RANBP2: variants seen among roughly 807,000 people sequenced by gnomAD.
The protein encoded by RANBP2 is RAN binding protein 2.
Under a neutral mutation model 303.6 loss-of-function variants are expected in RANBP2, and 57 were observed. The observed-to-expected ratio is 0.19, with a 90% CI of 0.15 to 0.23. The LOEUF (loss-of-function observed/expected upper bound fraction) is 0.23. RANBP2 is among the 10% of genes least tolerant of loss of function. The pLI, the probability that RANBP2 is intolerant of heterozygous loss-of-function variation, is 1.00. For synonymous variants in RANBP2, 1,167 were observed against 1,301.5 expected (o/e 0.90, Z 2.23); for missense variants, 3,138 against 3,780.8 (o/e 0.83, Z 4.46).
chr2:109,629,549 A>C, the RANBP2 span, among the ~76,000 whole-genome samples: 38 of 151,956 alleles, frequency 2.5e-4, no homozygotes, highest in African/African-American at 8.2e-4. Context: ...ACAATGGCTC[A>C]CACCTGTAAT....
the RANBP2 span, among the ~76,000 whole-genome samples, chr2:109,417,526 A>G: frequency 1.3e-5 from 2 of 152,174 alleles, no homozygotes; most frequent in Non-Finnish European, 2.9e-5. Context: ...AGGCAGGCAC[A>G]GGACCCTCCA....
At chr2:108,935,211 A>C in the RANBP2 span, among the ~76,000 whole-genome samples, 2 of 151,880 alleles carry the variant, frequency 1.3e-5, no homozygotes, top group African/African-American at 4.8e-5. Flanking sequence ...TCCTTCCTCA[A>C]TTCCCATCTA....
chr2:109,346,458 A>C, the RANBP2 span, among the ~76,000 whole-genome samples: 1 of 152,184 alleles, frequency 6.6e-6, no homozygotes, highest in African/African-American at 2.4e-5. Flanking sequence ...TGGTGAGAAA[A>C]TGCGGCTTCT....
chr2:109,351,999 A>G, the RANBP2 span, among the ~76,000 whole-genome samples: 9 of 152,252 alleles, frequency 5.9e-5, no homozygotes, highest in African/African-American at 1.9e-4. Context: ...ATAAAAATCA[A>G]ATATAGAGTT....
chr2:109,747,512 G>T, the RANBP2 span, among the ~76,000 whole-genome samples: 1 of 147,844 alleles, frequency 6.8e-6, no homozygotes, highest in African/African-American at 2.5e-5. Flanking sequence ...CCAGCACTTT[G>T]CGGGGCCGAG....
At chr2:109,584,457 A>G in the RANBP2 span, among the ~76,000 whole-genome samples, 8 of 138,420 alleles carry the variant, frequency 5.8e-5, no homozygotes, top group African/African-American at 2.3e-4. Flanking sequence ...ACTGGGTGAC[A>G]GAGCGAGACT....
chr2:108,851,994 C>T, the RANBP2 span, among the ~76,000 whole-genome samples: 2,313 of 152,208 alleles, frequency 0.015, 29 homozygotes, highest in Middle Eastern at 0.041. Flanking sequence ...TTGCTGAAGC[C>T]TACCTTCTTA....
chr2:109,460,201 C>T, the RANBP2 span, among the ~76,000 whole-genome samples: 1 of 152,202 alleles, frequency 6.6e-6, no homozygotes, highest in Non-Finnish European at 1.5e-5. Flanking sequence ...ATTCTGAAGT[C>T]CATGGATATT....
the RANBP2 span, among the ~76,000 whole-genome samples, chr2:108,868,564 C>T: frequency 2.0e-5 from 3 of 152,286 alleles, no homozygotes; most frequent in East Asian, 3.9e-4. Context: ...AAACTTTCTC[C>T]TCCAGCCTTT....
At chr2:108,847,964 C>T in the RANBP2 span, among the ~76,000 whole-genome samples, 1 of 151,988 alleles carries the variant, frequency 6.6e-6, no homozygotes, top group African/African-American at 2.4e-5. Context: ...AAATAAAGTT[C>T]GCCACAGACC....
the RANBP2 span, among the ~76,000 whole-genome samples, chr2:109,396,256 G>A: frequency 6.6e-6 from 1 of 152,220 alleles, no homozygotes; most frequent in Non-Finnish European, 1.5e-5. Flanking sequence ...TTAGGAGGAA[G>A]CAAATGAATA....
At chr2:109,483,448 C>T in the RANBP2 span, among the ~76,000 whole-genome samples, 1 of 152,198 alleles carries the variant, frequency 6.6e-6, no homozygotes, top group Admixed American at 6.5e-5. Flanking sequence ...AAGGTGCTCC[C>T]TTCTCTGAGC....
chr2:109,470,813 C>T, the RANBP2 span, among the ~76,000 whole-genome samples: 1 of 152,354 alleles, frequency 6.6e-6, no homozygotes, highest in East Asian at 1.9e-4. Flanking sequence ...AGTCAGCTCA[C>T]AGCAAACAAA....
At chr2:109,421,720 G>GTT in the RANBP2 span, among the ~76,000 whole-genome samples, 50 of 152,190 alleles carry the variant, frequency 3.3e-4, no homozygotes, top group African/African-American at 1.2e-3. Context: ...GGAAACTTAT[G>GTT]TGTCGGACAA....
chr2:109,489,512 A>G, the RANBP2 span, among the ~76,000 whole-genome samples: 4,160 of 152,208 alleles, frequency 0.027, 115 homozygotes, highest in African/African-American at 0.067. Flanking sequence ...GGGAGGAGAA[A>G]GCAGATGACA....
the RANBP2 span, among the ~76,000 whole-genome samples, chr2:109,040,430 G>A: frequency 0.017 from 2,568 of 152,136 alleles, 79 homozygotes; most frequent in African/African-American, 0.059. Flanking sequence ...AAGAGTGCTC[G>A]ACTCTGCTGG....
At chr2:109,590,187 G>A in the RANBP2 span, among the ~76,000 whole-genome samples, 2 of 151,896 alleles carry the variant, frequency 1.3e-5, no homozygotes, top group Non-Finnish European at 2.9e-5. Context: ...CCAGTCAGCA[G>A]TAGACTTACA....
At chr2:109,577,291 G>C in the RANBP2 span, among the ~76,000 whole-genome samples, 2 of 152,066 alleles carry the variant, frequency 1.3e-5, no homozygotes, top group Admixed American at 1.3e-4. Flanking sequence ...ATAATACCTC[G>C]TGTAGTTAAA....
At chr2:109,564,339 G>A in the RANBP2 span, 1 of 1,494,478 alleles carries the variant, frequency 6.7e-7, no homozygotes, top group Non-Finnish European at 9.0e-7. Context: ...TTCCTCTTTG[G>A]TTGGCTTCCC....
Sources: allele counts gnomAD v4.1 joint callset (sites outside exome capture counted in the v4.1 genomes callset), GRCh38; gene constraint gnomAD v4.1.1; transcripts MANE v1.5; gene names NCBI Gene and HGNC (gene_info 2026-07-23, HGNC 2026-07-21).